EXT1: variants seen among roughly 807,000 people sequenced by gnomAD.
EXT1 encodes the protein exostosin-1.
In EXT1, 20 loss-of-function variants were observed where a neutral mutation model predicts 82.5. The ratio of observed to expected loss-of-function variants is 0.24; its 90% CI spans 0.17 to 0.35. The LOEUF (loss-of-function observed/expected upper bound fraction) is 0.35. EXT1 is among the 10% of genes least tolerant of loss of function. The probability of loss-of-function intolerance (pLI) is 1.00; values close to 1 mark genes in which losing one functional copy is unlikely to be tolerated. For synonymous variants in EXT1, 348 were observed against 350.8 expected (o/e 0.99, Z 0.09); for missense variants, 757 against 936.5 (o/e 0.81, Z 2.50).
chr8:117,801,802 G>A (rs745777461), intron 10 of EXT1, among the ~76,000 whole-genome samples: 12 of 152,082 alleles, frequency 7.9e-5, no homozygotes, highest in Non-Finnish European at 1.5e-4. Flanking sequence ...CACTGTGCCC[G>A]GCCTGTGGGC....
Position 117,819,594 on chromosome 8 carries a change from C to T in EXT1, c.1536+82G>A, listed in dbSNP as rs887226030. The T allele has an allele frequency of 1.7e-5, 21 of 1,204,278 alleles. No individual in the cohort carries two copies. In the African/African-American group the frequency reaches 1.9e-4, roughly 11 times the overall value. The allele number at this position is 1,204,278 out of a possible 1,614,324, so 74.6% of individuals were successfully genotyped here. On this transcript the variant is annotated intron_variant, in intron 6 of 10. Transcript: ENST00000378204. ...GAAGTCCCGGGGAGCCTGGGGAGCC[C>T]GGGGGATAACAGGTAAGGAGGGCGG...
chr8:117,829,811 T>C (rs1239757440), intron 4 of EXT1, among the ~76,000 whole-genome samples: 1 of 152,056 alleles, frequency 6.6e-6, no homozygotes, highest in Non-Finnish European at 1.5e-5. Context: ...ACTCAGGTGA[T>C]GCACCTGCCT....
rs2130043577 is a variant in EXT1, at chr8:118,110,630, C to T, written c.417G>A (p.Glu139=). 1 of 1,614,160 alleles carries T rather than the reference C, an allele frequency of 6.2e-7. No individual in the cohort carries two copies. The highest frequency in any genetic ancestry group is 8.5e-7 in the Non-Finnish European group (1 of 1,180,036). ...ESYQNILAAI[E]GSRFYTSDPS... ...GGTCCGAGGTGTAGAACCTGGAGCC[C>T]TCGATGGCCGCTAGAATGTTTTGGT... The change falls in exon 1 of 11, where the codon GAG becomes GAA. Residue 139 remains glutamate (E), a synonymous_variant. Coordinates refer to ENST00000378204, the MANE Select transcript of EXT1 (RefSeq NM_000127.3).
chr8:117,868,593 A>G (rs1267905074), intron 1 of EXT1, among the ~76,000 whole-genome samples: 1 of 152,054 alleles, frequency 6.6e-6, no homozygotes, highest in Admixed American at 6.5e-5. Context: ...CTGGGACCTC[A>G]GTACATGCCA....
At chr8:117,935,752 T>C (rs1814147520) in intron 1 of EXT1, among the ~76,000 whole-genome samples, 1 of 152,172 alleles carries the variant, frequency 6.6e-6, no homozygotes, top group Non-Finnish European at 1.5e-5. Context: ...GTAAAATTAT[T>C]ATTTTTATTT....
intron 6 of EXT1, among the ~76,000 whole-genome samples, chr8:117,819,398 G>A (rs1475105819): frequency 1.3e-5 from 2 of 152,064 alleles, no homozygotes; most frequent in Non-Finnish European, 2.9e-5. Context: ...ATCTTCTTTA[G>A]AGACTATGTT....
chr8:117,822,701 A>C (rs1335257980), intron 4 of EXT1, 104 bp from the exon 5 acceptor site: 1 of 1,267,808 alleles, frequency 7.9e-7, no homozygotes, highest in Non-Finnish European at 1.1e-6. Flanking sequence ...CAGAGTAGTG[A>C]CTCTACCCTC....
At chr8:117,933,869 C>T (rs1386678185) in intron 1 of EXT1, among the ~76,000 whole-genome samples, 4 of 152,166 alleles carry the variant, frequency 2.6e-5, no homozygotes, top group African/African-American at 9.7e-5. Flanking sequence ...AGTCCAGACG[C>T]CTGCTCACAG....
intron 1 of EXT1, among the ~76,000 whole-genome samples, chr8:118,024,665 C>G (rs540118971): frequency 1.4e-4 from 21 of 152,292 alleles, no homozygotes; most frequent in African/African-American, 5.1e-4. Flanking sequence ...AGTCAAGAAA[C>G]TACAGAATGT....
At chr8:117,839,371 T>G (rs1812237460) in intron 1 of EXT1, among the ~76,000 whole-genome samples, 1 of 152,244 alleles carries the variant, frequency 6.6e-6, no homozygotes, top group African/African-American at 2.4e-5. Context: ...AGGAATGTCC[T>G]TTGAGAATAT....
chr8:117,878,921 A>ACGC (rs1813015006), intron 1 of EXT1, among the ~76,000 whole-genome samples: 1 of 152,222 alleles, frequency 6.6e-6, no homozygotes, highest in African/African-American at 2.4e-5. Flanking sequence ...CCACTTCTTC[A>ACGC]TGGTGAGACC....
At chr8:118,033,997 GAATAAAAAT>G (rs1816378606) in intron 1 of EXT1, among the ~76,000 whole-genome samples, 1 of 152,068 alleles carries the variant, frequency 6.6e-6, no homozygotes, top group Non-Finnish European at 1.5e-5. Context: ...GGCAAACTAA[GAATAAAAAT>G]AATACAAATA....
At chr8:117,829,651 G>A (rs1380832527) in intron 4 of EXT1, among the ~76,000 whole-genome samples, 1 of 137,608 alleles carries the variant, frequency 7.3e-6, no homozygotes, top group East Asian at 2.1e-4. Context: ...TCAGCTGACT[G>A]CAACCTCCAC....
intron 1 of EXT1, among the ~76,000 whole-genome samples, chr8:118,013,732 G>C (rs1213673297): frequency 6.6e-6 from 1 of 152,152 alleles, no homozygotes; most frequent in African/African-American, 2.4e-5. Flanking sequence ...TTGTATGTCA[G>C]ATAAACAACG....
chr8:117,930,822 T>C (rs1031708793), intron 1 of EXT1, among the ~76,000 whole-genome samples: 4 of 152,180 alleles, frequency 2.6e-5, no homozygotes, highest in African/African-American at 9.7e-5. Context: ...CACAAAGACC[T>C]TGCTGATAAA....
intron 1 of EXT1, among the ~76,000 whole-genome samples, chr8:118,103,233 A>G (rs943130222): frequency 2.7e-4 from 41 of 152,276 alleles, no homozygotes; most frequent in African/African-American, 9.1e-4. Flanking sequence ...TGCAGCCTCA[A>G]TGTCCCAGAC....
chr8:117,935,466 C>T (rs983379158), intron 1 of EXT1, among the ~76,000 whole-genome samples: 2 of 151,884 alleles, frequency 1.3e-5, no homozygotes, highest in African/African-American at 4.8e-5. Flanking sequence ...GAGGTGTGCA[C>T]CAACACGCCT....
intron 1 of EXT1, among the ~76,000 whole-genome samples, chr8:117,837,756 C>A (rs746230022): frequency 6.6e-6 from 1 of 151,778 alleles, no homozygotes; most frequent in Non-Finnish European, 1.5e-5. Flanking sequence ...GAAAAATATT[C>A]CTGTTTAAGA....
chr8:118,075,957 A>G (rs913679002), intron 1 of EXT1, among the ~76,000 whole-genome samples: 1 of 152,200 alleles, frequency 6.6e-6, no homozygotes, highest in Non-Finnish European at 1.5e-5. Context: ...TCAACATGAG[A>G]TTTAAGGGGG....
Sources: gnomAD v4.1 joint callset for allele counts (sites outside exome capture counted in the v4.1 genomes callset) on GRCh38, gnomAD v4.1.1 for gene constraint, MANE v1.5 for transcripts, NCBI Gene and HGNC (gene_info 2026-07-23, HGNC 2026-07-21) for gene names.